The following ARHGEF28 variants were observed in gnomAD, a reference collection of about 807,000 sequenced individuals.
ARHGEF28 encodes 190 kDa guanine nucleotide exchange factor.
In ARHGEF28, 152 loss-of-function variants were observed where a neutral mutation model predicts 206.6. The observed-to-expected ratio is 0.74, with a 90% CI of 0.64 to 0.84. The LOEUF is 0.84. Among genes scored for constraint, ARHGEF28 ranks in the 40% least tolerant of loss-of-function variants. ARHGEF28 has a pLI of 0.00. For missense variants in ARHGEF28, 2,028 were observed against 2,073.2 expected (o/e 0.98, Z 0.42); for synonymous variants, 763 against 776.4 (o/e 0.98, Z 0.29).
intron 33 of ARHGEF28, 47 bp from the exon 34 acceptor site, chr5:73,909,365 C>A: frequency 6.5e-7 from 1 of 1,547,274 alleles, no homozygotes; most frequent in Non-Finnish European, 8.7e-7. Flanking sequence ...TAAACAATAA[C>A]CATGGAACCT....
intron 9 of ARHGEF28, among the ~76,000 whole-genome samples, chr5:73,813,904 T>G (rs1756011243): frequency 7.0e-6 from 1 of 143,756 alleles, no homozygotes. Flanking sequence ...TATGTGCAAT[T>G]CTCTTTAAAA....
chr5:73,779,966 G>A (rs572221619), intron 6 of ARHGEF28, among the ~76,000 whole-genome samples: 47 of 152,324 alleles, frequency 3.1e-4, no homozygotes, highest in Non-Finnish European at 4.4e-4. Context: ...ACCTATGTCA[G>A]TTATGTGATT....
At chr5:73,729,848 CACTA>C (rs1161855400) in intron 2 of ARHGEF28, among the ~76,000 whole-genome samples, 1 of 152,294 alleles carries the variant, frequency 6.6e-6, no homozygotes, top group African/African-American at 2.4e-5. Context: ...ACCAGTTACA[CACTA>C]ACTATTGTTT....
intron 35 of ARHGEF28, among the ~76,000 whole-genome samples, chr5:73,932,976 T>A (rs1273623322): frequency 1.3e-5 from 2 of 149,934 alleles, no homozygotes; most frequent in African/African-American, 5.0e-5. Flanking sequence ...GCCCGGCTAA[T>A]TTTTTTTGTA....
chr5:73,874,467 T>A (rs1341767204), intron 22 of ARHGEF28, among the ~76,000 whole-genome samples: 1 of 151,802 alleles, frequency 6.6e-6, no homozygotes, highest in East Asian at 1.9e-4. Flanking sequence ...ATGTGCAGGT[T>A]AGTTACATAT....
intron 10 of ARHGEF28, among the ~76,000 whole-genome samples, chr5:73,839,711 C>T (rs1474184651): frequency 1.3e-5 from 2 of 152,196 alleles, no homozygotes; most frequent in Admixed American, 1.3e-4. Context: ...ATAGCAGGAG[C>T]ACGAGGCCTT....
At position 73,873,037 on chromosome 5, in the gene ARHGEF28, T is replaced by A. The variant is rs1561474372; in HGVS notation, c.2605T>A (p.Phe869Ile). The change falls in exon 22 of 36, where the codon TTC becomes ATC. Residue 869 changes from phenylalanine (F) to isoleucine (I), a missense_variant. By Grantham distance (21) the Phe-to-Ile change is conservative. Transcript: ENST00000513042. ...QTEMHHIQTLFIMSEIFRKGM... is the reference protein window; with the variant it reads ...QTEMHHIQTLIIMSEIFRKGM... ...AGAGATGCATCACATCCAGACCCTG[T>A]TCATCATGTCTGAGATCTTCAGGAA... 1 of 1,613,778 alleles carries A rather than the reference T, an allele frequency of 6.2e-7. No individual in the cohort carries two copies. The highest frequency in any genetic ancestry group is 8.5e-7 in the Non-Finnish European group (1 of 1,179,772).
chr5:73,752,137 T>G (rs1389426575), intron 3 of ARHGEF28, among the ~76,000 whole-genome samples: 1 of 152,184 alleles, frequency 6.6e-6, no homozygotes, highest in Non-Finnish European at 1.5e-5. Context: ...ATGATCATAG[T>G]GATTTGCTGC....
In ARHGEF28 at chr5:73,892,162, T is replaced by G. The variant is rs367976947; in HGVS notation, c.3498T>G (p.Tyr1166Ter). The stretch of plus-strand genomic sequence containing the variant: ...CTTCATCTGCTGGTCCTGAGATGTA[T>G]GAAATTCACACCAATTCCAAGGAGG... ...ISASSAGPEM[Y>*]EIHTNSKEER... Residue 1166 changes from tyrosine to a stop codon, truncating the protein, a stop_gained, in exon 27 of 36, where the codon TAT (tyrosine) becomes TAG (stop). Transcript: ENST00000513042. LOFTEE classifies it high-confidence loss of function. 6.3e-7 allele frequency: 1 copy of G among 1,583,120 alleles called. No homozygotes were observed. The highest frequency in any genetic ancestry group is 1.2e-5 in the South Asian group (1 of 86,340).
At chr5:73,806,682 C>T (rs1251678070) in intron 9 of ARHGEF28, among the ~76,000 whole-genome samples, 2 of 140,044 alleles carry the variant, frequency 1.4e-5, no homozygotes, top group South Asian at 2.3e-4. Flanking sequence ...ACCATATATA[C>T]GATATATCGT....
intron 4 of ARHGEF28, among the ~76,000 whole-genome samples, chr5:73,758,876 A>G (rs1752455166): frequency 6.6e-6 from 1 of 152,238 alleles, no homozygotes; most frequent in South Asian, 2.1e-4. Flanking sequence ...CAAAAATATT[A>G]AAGTGTTTAA....
intron 33 of ARHGEF28, chr5:73,909,156 G>C: frequency 2.7e-6 from 1 of 372,844 alleles, no homozygotes; most frequent in Non-Finnish European, 4.8e-6. Context: ...CTTCCCACAG[G>C]AGAGGATGAT....
At chr5:73,799,847 G>C (rs1308314523) in intron 9 of ARHGEF28, among the ~76,000 whole-genome samples, 1 of 152,102 alleles carries the variant, frequency 6.6e-6, no homozygotes, top group Non-Finnish European at 1.5e-5. Flanking sequence ...GCACTGGCTG[G>C]CATCCTCCTT....
intron 1 of ARHGEF28, among the ~76,000 whole-genome samples, chr5:73,666,430 C>T (rs1271354270): frequency 2.6e-5 from 4 of 152,272 alleles, no homozygotes; most frequent in African/African-American, 4.8e-5. Flanking sequence ...TGACTCTACT[C>T]GGAATTACCC....
At chr5:73,902,909 G>A (rs1762352117) in intron 31 of ARHGEF28, 1 of 152,258 alleles carries the variant, frequency 6.6e-6, no homozygotes, top group Non-Finnish European at 1.5e-5. Context: ...TACAGAAGCA[G>A]TGGAGTGTGG....
chr5:73,879,984 C>T (rs1760805316), intron 22 of ARHGEF28, among the ~76,000 whole-genome samples: 1 of 152,218 alleles, frequency 6.6e-6, no homozygotes, highest in Admixed American at 6.5e-5. Context: ...TTTAAGTCTG[C>T]AGAGTTACTG....
In ARHGEF28 at chr5:73,752,490, A is replaced by G. The variant is rs16870775; in HGVS notation, c.182-419A>G. On this transcript the variant is annotated intron_variant, in intron 3 of 35. Coordinates refer to ENST00000513042, the MANE Select transcript of ARHGEF28 (RefSeq NM_001177693.2). ...CAAACTTGTGTAATTGTATGGTGCT[A>G]TCTTATAAACTTATTGCTTAAATAT... Among the ~76,000 whole-genome samples the G allele has an allele frequency of 5.1e-3, 772 of 152,294 alleles. 13 individuals are homozygous for G. Among genetic ancestry groups the G allele is most frequent in the African/African-American group, 0.018 (737 of 41,544 alleles).
chr5:73,692,998 C>A (rs1747936926), intron 2 of ARHGEF28, among the ~76,000 whole-genome samples: 1 of 152,212 alleles, frequency 6.6e-6, no homozygotes, highest in Admixed American at 6.5e-5. Flanking sequence ...TCTTGGGGAC[C>A]TTTGCCTGGG....
chr5:73,765,616 T>G (rs1411735773), intron 4 of ARHGEF28, among the ~76,000 whole-genome samples: 1 of 152,236 alleles, frequency 6.6e-6, no homozygotes, highest in Non-Finnish European at 1.5e-5. Flanking sequence ...AAAGAGTATC[T>G]GTATTTTATT....
Sources: gnomAD v4.1 joint callset for allele counts (sites outside exome capture counted in the v4.1 genomes callset) on GRCh38, gnomAD v4.1.1 for gene constraint, MANE v1.5 for transcripts, NCBI Gene and HGNC (gene_info 2026-07-23, HGNC 2026-07-21) for gene names.